Variants in FUT8 observed in about 807,000 individuals in gnomAD.
The protein encoded by FUT8 is alpha-(1,6)-fucosyltransferase.
A neutral mutation model predicts 71.3 loss-of-function variants in FUT8; 29 were observed. The ratio of observed to expected loss-of-function variants is 0.41; its 90% confidence interval spans 0.30 to 0.55. FUT8 has a LOEUF of 0.55. FUT8 is among the 20% of genes least tolerant of loss of function. FUT8 has a pLI of 0.34. For synonymous variants in FUT8, 254 were observed against 239.3 expected, an observed-to-expected ratio of 1.06 and a Z score of -0.57; for missense variants, 544 against 702.1, an observed-to-expected ratio of 0.77 and a Z score of 2.55.
At chr14:65,518,733 C>G (rs1429685191) in intron 2 of FUT8, among the ~76,000 whole-genome samples, 1 of 151,998 alleles carries the variant, frequency 6.6e-6, no homozygotes. Flanking sequence ...CGCCATGGGC[C>G]TGTCTCAAAC....
chr14:65,616,001 A>C lies in FUT8; in HGVS notation c.227A>C (p.Gln76Pro). The C allele has an allele frequency of 1.2e-6, 2 of 1,613,478 alleles. No individual in the cohort carries two copies. The highest frequency in any genetic ancestry group is 1.7e-6 in the Non-Finnish European group (2 of 1,179,526). Residue 76 changes from glutamine to proline, a missense_variant, in exon 4 of 11, where the codon CAG becomes CCG. By Grantham distance (76) the Gln-to-Pro change is moderately conservative (BLOSUM62 -1). Coordinates refer to ENST00000673929, the MANE Select transcript of FUT8 (RefSeq NM_001371533.1). Reference sequence around the variant, plus strand: ...AGGATACCAGAAGGCCCTATTGATCAGGGGCCAGCTATAGGAAGAGTACGC... The same window carrying C: ...AGGATACCAGAAGGCCCTATTGATCCGGGGCCAGCTATAGGAAGAGTACGC... ...SLRIPEGPID[Q>P]GPAIGRVRVL...
intron 7 of FUT8, among the ~76,000 whole-genome samples, chr14:65,692,412 C>T (rs1170318654): frequency 2.1e-3 from 232 of 112,798 alleles, no homozygotes; most frequent in East Asian, 2.9e-3. Context: ...GGGGGCTGAC[C>T]CCCCCACCTC....
At chr14:65,435,024 C>G (rs547615351) in intron 1 of FUT8, among the ~76,000 whole-genome samples, 1 of 152,152 alleles carries the variant, frequency 6.6e-6, no homozygotes, top group Non-Finnish European at 1.5e-5. Flanking sequence ...GATCTATTCT[C>G]TATGGCTACC....
At chr14:65,673,932 CAAATG>C (rs1179643891) in intron 7 of FUT8, among the ~76,000 whole-genome samples, 1 of 152,114 alleles carries the variant, frequency 6.6e-6, no homozygotes, top group Non-Finnish European at 1.5e-5. Context: ...AAGTAGAACA[CAAATG>C]AAATTATACT....
rs1478814243 is a variant in FUT8, at chr14:65,574,188, A to G, written c.203+12422A>G. Among the ~76,000 whole-genome samples the G allele has an allele frequency of 6.6e-6, 1 of 152,216 alleles. No individual in the cohort carries two copies. The highest frequency in any genetic ancestry group is 1.5e-5 in the Non-Finnish European group (1 of 68,048). Reference sequence around the variant, plus strand: ...AGTTCCTTTCCAAGTGGACCTCTCCAGAGGGCAGCTCACACCATAGCTTGC... The same window carrying G: ...AGTTCCTTTCCAAGTGGACCTCTCCGGAGGGCAGCTCACACCATAGCTTGC... On this transcript the variant is annotated intron_variant, in intron 3 of 10. Transcript: ENST00000673929. This position sits in a 1 kb window ranked among gnomAD's most constrained non-coding sequence, Gnocchi z 5.2.
rs374475880 is a variant in FUT8 at position 65,506,154 on chromosome 14, T to G, written c.-228+50436T>G. On this transcript the variant is annotated intron_variant, in intron 2 of 10. Coordinates refer to ENST00000673929, the MANE Select transcript of FUT8 (RefSeq NM_001371533.1). ...TATGCTTGCTAAGTTTGGAGGCTTA[T>G]TTTGTAATGGTTCTTTCGGATTTCT... is the stretch of plus-strand genomic sequence containing the variant. Among the ~76,000 whole-genome samples, 5 of 152,244 alleles carry G rather than the reference T, an allele frequency of 3.3e-5. No homozygotes were observed. The East Asian group carries it at 9.6e-4, about 29-fold the overall frequency.
At chr14:65,707,828 T>C (rs1186457039) in intron 7 of FUT8, among the ~76,000 whole-genome samples, 2 of 152,190 alleles carry the variant, frequency 1.3e-5, no homozygotes, top group Non-Finnish European at 2.9e-5. Flanking sequence ...CATTGGTCGA[T>C]ATGTCTGTTT....
chr14:65,528,587 A>G (rs964314931), intron 2 of FUT8, among the ~76,000 whole-genome samples: 15 of 152,162 alleles, frequency 9.9e-5, no homozygotes, highest in African/African-American at 3.6e-4. Flanking sequence ...CCCCAGTGAG[A>G]TGAACCTGGT....
intron 6 of FUT8, among the ~76,000 whole-genome samples, chr14:65,631,993 C>T (rs1022529737): frequency 2.0e-5 from 3 of 152,190 alleles, no homozygotes; most frequent in Non-Finnish European, 4.4e-5. Context: ...GAATAATAGT[C>T]TCCAATCTCA....
At chr14:65,594,446 T>G (rs1022099585) in intron 3 of FUT8, among the ~76,000 whole-genome samples, 2 of 152,232 alleles carry the variant, frequency 1.3e-5, no homozygotes, top group African/African-American at 4.8e-5. Context: ...GTTGCAATGC[T>G]GTCTTAGCTC....
chr14:65,586,005 A>G (rs565893010), intron 3 of FUT8, among the ~76,000 whole-genome samples: 83 of 152,356 alleles, frequency 5.4e-4, no homozygotes, highest in African/African-American at 1.8e-3. Context: ...GGAAATAGAT[A>G]TGGATAACCA....
chr14:65,397,242 T>A, the FUT8 span, among the ~76,000 whole-genome samples: 1 of 152,140 alleles, frequency 6.6e-6, no homozygotes, highest in African/African-American at 2.4e-5. This position sits in a 1 kb window ranked among gnomAD's most constrained non-coding sequence, Gnocchi z 4.2. Flanking sequence ...GGCTAGAGTG[T>A]GGTGTGAACT....
At chr14:65,474,869 A>G (rs2066210959) in intron 2 of FUT8, among the ~76,000 whole-genome samples, 1 of 152,106 alleles carries the variant, frequency 6.6e-6, no homozygotes, top group South Asian at 2.1e-4. Flanking sequence ...GATAAGATTT[A>G]TTGTTTATTT....
At chr14:65,427,693 T>G (rs569629717) in intron 1 of FUT8, among the ~76,000 whole-genome samples, 2 of 152,342 alleles carry the variant, frequency 1.3e-5, no homozygotes, top group African/African-American at 4.8e-5. Context: ...AAAATAGCAT[T>G]ATTAAGGTAT....
At chr14:65,659,298 G>C (rs1201644427) in intron 6 of FUT8, among the ~76,000 whole-genome samples, 1 of 151,850 alleles carries the variant, frequency 6.6e-6, no homozygotes, top group Non-Finnish European at 1.5e-5. Context: ...GGAGAAATGA[G>C]ACAAAGACTC....
chr14:65,457,835 G>A (rs766852059), intron 2 of FUT8: 9 of 152,142 alleles, frequency 5.9e-5, no homozygotes, highest in Non-Finnish European at 1.0e-4. Context: ...CCTGGTTTTG[G>A]GCCTGGTGCC....
At chr14:65,537,444 G>A (rs1884395150) in intron 2 of FUT8, among the ~76,000 whole-genome samples, 1 of 152,080 alleles carries the variant, frequency 6.6e-6, no homozygotes, top group South Asian at 2.1e-4. Flanking sequence ...ATGGAGTGCA[G>A]TGGCGTGATC....
intron 6 of FUT8, among the ~76,000 whole-genome samples, chr14:65,653,479 C>A (rs556097204): frequency 6.6e-6 from 1 of 152,082 alleles, no homozygotes. Flanking sequence ...TGACAGAAAA[C>A]TTCTTAAATT....
At chr14:65,689,632 G>A (rs1038306768) in intron 7 of FUT8, among the ~76,000 whole-genome samples, 2 of 152,016 alleles carry the variant, frequency 1.3e-5, no homozygotes, top group African/African-American at 4.8e-5. Context: ...TCTGCCTCCC[G>A]GGTTCAAGCA....
Sources: gnomAD v4.1 joint callset for allele counts (sites outside exome capture counted in the v4.1 genomes callset) on GRCh38, gnomAD v4.1.1 for gene constraint, Gnocchi (gnomAD v3.1) non-coding constraint, MANE v1.5 for transcripts, NCBI Gene and HGNC (gene_info 2026-07-23, HGNC 2026-07-21) for gene names.